The following TNFAIP8 variants were observed in gnomAD, a reference collection of about 807,000 sequenced individuals.
The protein encoded by TNFAIP8 is tumor necrosis factor alpha-induced protein 8.
TNFAIP8 carries 7 observed loss-of-function variants against 13.3 expected under a neutral mutation model. The ratio of observed to expected loss-of-function variants is 0.52; its 90% CI spans 0.30 to 0.99. The LOEUF (loss-of-function observed/expected upper bound fraction) is 0.99. Ranked by LOEUF, TNFAIP8 falls within the 50% of genes least tolerant of loss-of-function variation. TNFAIP8 has a pLI of 0.07. For missense variants in TNFAIP8, 258 were observed against 236.9 expected (o/e 1.09, Z -0.58); for synonymous variants, 94 against 87.6 (o/e 1.07, Z -0.41).
intron 1 of TNFAIP8, among the ~76,000 whole-genome samples, chr5:119,370,712 C>A (rs373293621): frequency 6.6e-6 from 1 of 152,188 alleles, no homozygotes; most frequent in Non-Finnish European, 1.5e-5. Flanking sequence ...TCTCTGCTAT[C>A]CCTAATGATT....
chr5:119,378,922 G>A (rs1468158400), intron 1 of TNFAIP8, among the ~76,000 whole-genome samples: 1 of 152,022 alleles, frequency 6.6e-6, no homozygotes, highest in Non-Finnish European at 1.5e-5. Flanking sequence ...AAGAGAGCCT[G>A]GCATGGTGGT....
chr5:119,291,588 C>T (rs1748986380), intron 1 of TNFAIP8, among the ~76,000 whole-genome samples: 1 of 152,194 alleles, frequency 6.6e-6, no homozygotes, highest in Non-Finnish European at 1.5e-5. Flanking sequence ...GCAGTACCAG[C>T]CACGGAGTGC....
At chr5:119,337,729 T>G (rs1016150274) in intron 1 of TNFAIP8, among the ~76,000 whole-genome samples, 1 of 152,222 alleles carries the variant, frequency 6.6e-6, no homozygotes, top group African/African-American at 2.4e-5. Flanking sequence ...AGTTCCTGTT[T>G]ACCATCTAAA....
chr5:119,347,186 C>T (rs931257675), intron 1 of TNFAIP8, among the ~76,000 whole-genome samples: 5 of 152,160 alleles, frequency 3.3e-5, no homozygotes, highest in Admixed American at 1.3e-4. Context: ...GTGAGATGCT[C>T]ACAGTGTAAA....
At chr5:119,353,130 T>C (rs915760755), upstream of TNFAIP8, among the ~76,000 whole-genome samples, 34 of 152,240 alleles carry the variant, frequency 2.2e-4, no homozygotes, top group Admixed American at 2.2e-3. Flanking sequence ...GGTAATAGTT[T>C]GTTGGTATGA....
chr5:119,377,387 TAAA>T (rs1752323468), intron 1 of TNFAIP8, among the ~76,000 whole-genome samples: 4 of 151,070 alleles, frequency 2.6e-5, no homozygotes, highest in Admixed American at 2.0e-4. Flanking sequence ...CTGTCTCAAA[TAAA>T]TAATTAAATA....
chr5:119,363,643 C>T (rs1751714875), intron 1 of TNFAIP8, among the ~76,000 whole-genome samples: 1 of 152,234 alleles, frequency 6.6e-6, no homozygotes, highest in Non-Finnish European at 1.5e-5. Flanking sequence ...TATACATTCA[C>T]AACATTGCTG....
In TNFAIP8 at chr5:119,393,619, G is replaced by T; in HGVS notation, c.*238G>T. On this transcript the variant is annotated 3_prime_UTR_variant, in exon 2 of 2. Transcript: ENST00000504771. Reference sequence around the variant, plus strand: ...GTAACAGACCATGGGAGAGATATGTGGTTGGGTAATGCAAATGTAGTTATA... The same window carrying T: ...GTAACAGACCATGGGAGAGATATGTTGTTGGGTAATGCAAATGTAGTTATA... 1 of 485,168 alleles carries T rather than the reference G, an allele frequency of 2.1e-6. No homozygotes were observed. Among genetic ancestry groups the T allele is most frequent in the Non-Finnish European group, 3.7e-6 (1 of 271,106 alleles). 30.1% of individuals were successfully genotyped at this position (485,168 alleles called of 1,614,324 possible).
At chr5:119,278,990 T>A (rs2150802987) in intron 1 of TNFAIP8, among the ~76,000 whole-genome samples, 1 of 152,342 alleles carries the variant, frequency 6.6e-6, no homozygotes, top group Middle Eastern at 3.4e-3. Flanking sequence ...GTATCCATCA[T>A]ATAGAGAATT....
chr5:119,385,642 T>C, intron 1 of TNFAIP8, among the ~76,000 whole-genome samples: 1 of 152,192 alleles, frequency 6.6e-6, no homozygotes, highest in East Asian at 1.9e-4. Flanking sequence ...TTTTAATATG[T>C]TATATATTTT....
At chr5:119,377,966 A>C (rs984840848) in intron 1 of TNFAIP8, among the ~76,000 whole-genome samples, 6 of 152,180 alleles carry the variant, frequency 3.9e-5, no homozygotes, top group African/African-American at 1.4e-4. Flanking sequence ...GGTAAGCTGG[A>C]AAGGGTAGTC....
intron 1 of TNFAIP8, among the ~76,000 whole-genome samples, chr5:119,303,083 G>GA (rs1006620458): frequency 4.6e-5 from 7 of 152,044 alleles, no homozygotes; most frequent in Non-Finnish European, 8.8e-5. Context: ...CTAGTGCCCT[G>GA]AAAAAACCAC....
chr5:119,398,775 A>G lies in TNFAIP8; in HGVS notation c.*5394A>G, dbSNP rs1280032753. ...TGAAACACAAGACGCGGAAATAAAA[A>G]CTCAGAGTATAAATATCTATATTGT... On this transcript the variant is annotated 3_prime_UTR_variant, in exon 2 of 2. Transcript: ENST00000504771. 1.3e-5 allele frequency: 2 copies of G among 152,240 alleles called. No individual in the cohort carries two copies. Among genetic ancestry groups the G allele is most frequent in the East Asian group, 3.9e-4 (2 of 5,186 alleles). The allele number at this position is 152,240 out of a possible 1,614,324, so 9.4% of individuals were successfully genotyped here.
At chr5:119,311,688 C>CAAAAAAAA (rs55965350) in intron 1 of TNFAIP8, among the ~76,000 whole-genome samples, 678 of 66,450 alleles carry the variant, frequency 0.01, 94 homozygotes, top group South Asian at 0.03. Context: ...GACTCCGTCT[C>CAAAAAAAA]AAAAAAAAAA....
intron 1 of TNFAIP8, among the ~76,000 whole-genome samples, chr5:119,297,148 C>T (rs970832955): frequency 2.6e-5 from 4 of 152,142 alleles, no homozygotes; most frequent in African/African-American, 9.7e-5. Context: ...CTTCTGCTAG[C>T]TTTTGAATGT....
chr5:119,332,794 C>T (rs1243050959), intron 1 of TNFAIP8, among the ~76,000 whole-genome samples: 1 of 152,134 alleles, frequency 6.6e-6, no homozygotes. Context: ...AATAAACAGG[C>T]TCCTAAAGAA....
intron 1 of TNFAIP8, among the ~76,000 whole-genome samples, chr5:119,302,924 G>A (rs1026911197): frequency 2.0e-5 from 3 of 152,100 alleles, no homozygotes; most frequent in Non-Finnish European, 4.4e-5. Context: ...ACATTATTGC[G>A]AATTGTTACG....
intron 1 of TNFAIP8, among the ~76,000 whole-genome samples, chr5:119,367,133 A>G (rs1402941117): frequency 6.6e-6 from 1 of 152,240 alleles, no homozygotes; most frequent in Non-Finnish European, 1.5e-5. Flanking sequence ...CTCTTTCCCA[A>G]AGATGAGTTC....
intron 1 of TNFAIP8, among the ~76,000 whole-genome samples, chr5:119,279,568 A>T (rs1748567146): frequency 2.6e-5 from 4 of 151,836 alleles, no homozygotes; most frequent in African/African-American, 7.3e-5. Flanking sequence ...TATTTTTTTT[A>T]TTTATTATAT....
Sources: gnomAD v4.1 joint callset for allele counts (sites outside exome capture counted in the v4.1 genomes callset) on GRCh38, gnomAD v4.1.1 for gene constraint, MANE v1.5 for transcripts, NCBI Gene and HGNC (gene_info 2026-07-23, HGNC 2026-07-21) for gene names.